The following CNTN5 variants were observed in gnomAD, a reference collection of about 807,000 sequenced individuals.
CNTN5 encodes the protein contactin 5.
CNTN5 carries 77 observed loss-of-function variants against 129.1 expected under a neutral mutation model. That is an observed-to-expected ratio of 0.60 (90% CI 0.50 to 0.72). The LOEUF is 0.72. CNTN5 is among the 30% of genes least tolerant of loss of function. CNTN5 has a pLI of 0.00. For synonymous variants in CNTN5, 509 were observed against 465.6 expected, an observed-to-expected ratio of 1.09 and a Z score of -1.20; for missense variants, 1,478 against 1,328.8, an observed-to-expected ratio of 1.11 and a Z score of -1.75.
chr11:99,502,695 A>AC (rs1457060871), intron 2 of CNTN5, among the ~76,000 whole-genome samples: 1 of 152,050 alleles, frequency 6.6e-6, no homozygotes, highest in African/African-American at 2.4e-5. Context: ...GAACTAATAC[A>AC]CCCCAACAGT....
intron 1 of CNTN5, among the ~76,000 whole-genome samples, chr11:99,029,223 A>AT (rs111375006): frequency 5.1e-4 from 76 of 147,836 alleles, no homozygotes; most frequent in East Asian, 5.9e-4. Flanking sequence ...CAAATATTCT[A>AT]TTTTTTTTTT....
rs530140228 is a variant in CNTN5 at position 100,170,659 on chromosome 11, T to C, written c.1581-20467T>C. Among the ~76,000 whole-genome samples, 5 of 152,084 alleles carry C rather than the reference T, an allele frequency of 3.3e-5. No individual in the cohort carries two copies. The East Asian group carries it at 7.8e-4, about 24-fold the overall frequency. On this transcript the variant is annotated intron_variant, in intron 13 of 24. Coordinates refer to ENST00000524871, the MANE Select transcript of CNTN5 (RefSeq NM_014361.4). ...TCTCAAACGCACTGAGCATGTTTTA[T>C]ATTCTTGCGTGTCATCCATAGACAA...
intron 3 of CNTN5, among the ~76,000 whole-genome samples, chr11:99,765,433 G>C (rs1015610616): frequency 1.5e-4 from 22 of 151,648 alleles, no homozygotes; most frequent in Non-Finnish European, 1.8e-4. Context: ...GTCTTTAGTA[G>C]GGATCATAAG....
intron 1 of CNTN5, among the ~76,000 whole-genome samples, chr11:99,024,118 A>G (rs1591061477): frequency 6.6e-6 from 1 of 152,160 alleles, no homozygotes; most frequent in Non-Finnish European, 1.5e-5. Context: ...GGTACATTTT[A>G]AAAAGTAATG....
chr11:99,473,762 T>C (rs1272062289), intron 2 of CNTN5, among the ~76,000 whole-genome samples: 1 of 152,064 alleles, frequency 6.6e-6, no homozygotes, highest in African/African-American at 2.4e-5. Flanking sequence ...AGTTAGTCTT[T>C]ATTATATCAA....
Position 99,760,308 on chromosome 11 carries a change from C to T in CNTN5, c.56-59236C>T, listed in dbSNP as rs775821449. ...GTCACAATTACGCTAATTCTGTAGTCCTTTTTGGAGGAGCGTCTGAGAGGA... is the reference window on the plus strand; with the variant it reads ...GTCACAATTACGCTAATTCTGTAGTTCTTTTTGGAGGAGCGTCTGAGAGGA... On this transcript the variant is annotated intron_variant, in intron 3 of 24. Transcript: ENST00000524871. 3.3e-5 allele frequency among the ~76,000 whole-genome samples: 5 copies of T among 152,188 alleles called. No homozygotes were observed. In the South Asian group the frequency reaches 1.0e-3, roughly 32 times the overall value.
chr11:99,758,887 G>GT (rs1254371183), intron 3 of CNTN5, among the ~76,000 whole-genome samples: 6 of 152,000 alleles, frequency 3.9e-5, no homozygotes. Context: ...TAAATCTGGA[G>GT]TAAAAAGCAG....
chr11:100,352,319 A>G (rs1393003704), intron 24 of CNTN5, among the ~76,000 whole-genome samples: 4 of 151,724 alleles, frequency 2.6e-5, no homozygotes, highest in Non-Finnish European at 5.9e-5. Flanking sequence ...TAAGATTTGC[A>G]TACCTGTAAA....
chr11:99,708,282 T>G (rs1422040744), intron 3 of CNTN5, among the ~76,000 whole-genome samples: 1 of 151,806 alleles, frequency 6.6e-6, no homozygotes, highest in Non-Finnish European at 1.5e-5. Context: ...TAATGCTTTC[T>G]GTTGAGTTGC....
At chr11:99,758,984 G>T (rs1209852238) in intron 3 of CNTN5, among the ~76,000 whole-genome samples, 1 of 152,056 alleles carries the variant, frequency 6.6e-6, no homozygotes, top group African/African-American at 2.4e-5. Context: ...TATTCCAAAA[G>T]AATATGATGA....
chr11:99,116,820 C>T (rs1430497717), intron 1 of CNTN5, among the ~76,000 whole-genome samples: 1 of 152,146 alleles, frequency 6.6e-6, no homozygotes, highest in Non-Finnish European at 1.5e-5. Flanking sequence ...AGAATCAGAA[C>T]TCTCATTTGG....
rs1310747592 is a variant in CNTN5, at chr11:100,357,570, T to C, written c.*1350T>C. 3 of 151,732 alleles carry C rather than the reference T, an allele frequency of 2.0e-5. No homozygotes were observed. Among genetic ancestry groups the C allele is most frequent in the Non-Finnish European group, 4.4e-5 (3 of 67,786 alleles). 9.4% of individuals were successfully genotyped at this position (151,732 alleles called of 1,614,324 possible). A position where few individuals can be genotyped will look rare whatever the true frequency, so the allele number is the denominator to read the frequency against. ...TTGGCATCATACCCATGAAGATGCG[T>C]GAAAGGATAGTTATTGCAAAGTCAT... On this transcript the variant is annotated 3_prime_UTR_variant, in exon 25 of 25. Coordinates refer to ENST00000524871, the MANE Select transcript of CNTN5 (RefSeq NM_014361.4).
In CNTN5 at chr11:100,148,085, CAG is replaced by C. The variant is rs143882803; in HGVS notation, c.1581-43040_1581-43039del. ...TATTAGTAACTTTTATACTTGTTCA[CAG>C]GCTCTAGCATTTCTCTTTTTAATAA... On this transcript the variant is annotated intron_variant, in intron 13 of 24. Coordinates refer to ENST00000524871, the MANE Select transcript of CNTN5 (RefSeq NM_014361.4). 1.3e-3 allele frequency among the ~76,000 whole-genome samples: 201 copies of C among 152,262 alleles called. 1 individual carries two copies. The highest frequency in any genetic ancestry group is 4.8e-3 in the African/African-American group (199 of 41,552).
intron 7 of CNTN5, among the ~76,000 whole-genome samples, chr11:99,918,870 A>G (rs557316192): frequency 4.6e-5 from 7 of 152,072 alleles, no homozygotes; most frequent in African/African-American, 1.7e-4. Context: ...CAGAGCCCAC[A>G]TTTGCTACCC....
chr11:99,787,833 A>G (rs1945590550), intron 3 of CNTN5, among the ~76,000 whole-genome samples: 1 of 151,984 alleles, frequency 6.6e-6, no homozygotes, highest in Admixed American at 6.6e-5. Context: ...TAAGGCTTAA[A>G]TTCCTGAAAA....
At chr11:99,884,846 A>T (rs1233165125) in intron 6 of CNTN5, among the ~76,000 whole-genome samples, 1 of 152,128 alleles carries the variant, frequency 6.6e-6, no homozygotes. Flanking sequence ...GTGTGATGGC[A>T]TGTGCTTGTA....
chr11:100,046,342 T>C (rs552558243), intron 9 of CNTN5, among the ~76,000 whole-genome samples: 2 of 152,298 alleles, frequency 1.3e-5, no homozygotes, highest in South Asian at 2.1e-4. Context: ...CTGCATGATA[T>C]TCTCCAATCC....
chr11:99,907,934 A>C (rs1818663448), intron 6 of CNTN5, among the ~76,000 whole-genome samples: 1 of 152,050 alleles, frequency 6.6e-6, no homozygotes, highest in Admixed American at 6.6e-5. Flanking sequence ...TTCTTTCATA[A>C]ATGTGAACCT....
Position 99,727,312 on chromosome 11 carries a change from CA to C in CNTN5, c.56-92210del, listed in dbSNP as rs397936738. On this transcript the variant is annotated intron_variant, in intron 3 of 24. Coordinates refer to ENST00000524871, the MANE Select transcript of CNTN5 (RefSeq NM_014361.4). ...TGGGCGACAGAGCGAGACTCCGTCT[CA>C]AAAAAAAAAAAAAAAAAAAAATTCC... Among the ~76,000 whole-genome samples the C allele has an allele frequency of 4.0e-3, 97 of 24,306 alleles. 4 individuals are homozygous for C. The highest frequency in any genetic ancestry group is 8.4e-3 in the South Asian group (3 of 356). The allele number at this position is 24,306 out of a possible 152,430, so 15.9% of individuals were successfully genotyped here.
Sources: allele counts gnomAD v4.1 joint callset (sites outside exome capture counted in the v4.1 genomes callset), GRCh38; gene constraint gnomAD v4.1.1; transcripts MANE v1.5; gene names NCBI Gene and HGNC (gene_info 2026-07-23, HGNC 2026-07-21).